The following CFLAR variants were observed in gnomAD, a reference collection of about 807,000 sequenced individuals.
CFLAR encodes the protein CASP8 and FADD like apoptosis regulator.
In CFLAR, 14 loss-of-function variants were observed where a neutral mutation model predicts 51.1. That is an observed-to-expected ratio of 0.27 (90% CI 0.18 to 0.43). The LOEUF is 0.43. Among genes scored for constraint, CFLAR ranks in the 20% least tolerant of loss-of-function variants. The pLI is 1.00. For synonymous variants in CFLAR, 210 were observed against 211.6 expected, an observed-to-expected ratio of 0.99 and a Z score of 0.06; for missense variants, 390 against 566.5, an observed-to-expected ratio of 0.69 and a Z score of 3.16.
In CFLAR at chr2:201,174,947, C is replaced by T. The variant is rs1944146748; in HGVS notation, c.*10974C>T. The T allele has an allele frequency of 6.6e-6, 1 of 152,106 alleles. No homozygotes were observed. Among genetic ancestry groups the T allele is most frequent in the East Asian group, 1.9e-4 (1 of 5,194 alleles). 9.4% of individuals were successfully genotyped at this position (152,106 alleles called of 1,614,324 possible). On this transcript the variant is annotated 3_prime_UTR_variant, in exon 10 of 10. Coordinates refer to ENST00000309955, the MANE Select transcript of CFLAR (RefSeq NM_003879.7). ...AAGAGACCTCTGGTTACCTTTGCTG[C>T]CCATTCTATGGTAATTATAATACAT... is the stretch of plus-strand genomic sequence containing the variant.
At chr2:201,147,340 G>A (rs1008326374) in intron 6 of CFLAR, among the ~76,000 whole-genome samples, 2 of 151,476 alleles carry the variant, frequency 1.3e-5, no homozygotes, top group Non-Finnish European at 2.9e-5. Context: ...ACCAACCTGG[G>A]CAACATGGTG....
Position 201,129,809 on chromosome 2 carries a change from G to T in CFLAR, c.-57G>T. The T allele has an allele frequency of 6.6e-7, 1 of 1,521,048 alleles. No homozygotes were observed. The allele number at this position is 1,521,048 out of a possible 1,614,324, so 94.2% of individuals were successfully genotyped here. Reference sequence around the variant, plus strand: ...GTTGACTGCCTGCTGGCTTTCTGTTGACTGGCCCGGAGCTGTACTGCAAGA... The same window carrying T: ...GTTGACTGCCTGCTGGCTTTCTGTTTACTGGCCCGGAGCTGTACTGCAAGA... On this transcript the variant is annotated 5_prime_UTR_variant, in exon 2 of 10. The change abolishes the stop of an existing upstream ORF in the 5' untranslated region. Coordinates refer to ENST00000309955, the MANE Select transcript of CFLAR (RefSeq NM_003879.7).
Position 201,168,632 on chromosome 2 carries a change from A to G in CFLAR, c.*4659A>G, listed in dbSNP as rs768336905. On this transcript the variant is annotated 3_prime_UTR_variant, in exon 10 of 10. Coordinates refer to ENST00000309955, the MANE Select transcript of CFLAR (RefSeq NM_003879.7). Reference sequence around the variant, plus strand: ...GAAGTTCTGGCCAAGAAAATCAGGCAAGAGAAACAAATAAGGGGTATTCAA... The same window carrying G: ...GAAGTTCTGGCCAAGAAAATCAGGCGAGAGAAACAAATAAGGGGTATTCAA... 1.3e-5 allele frequency: 2 copies of G among 151,944 alleles called. No homozygotes were observed. The highest frequency in any genetic ancestry group is 2.9e-5 in the Non-Finnish European group (2 of 68,034). 9.4% of individuals were successfully genotyped at this position (151,944 alleles called of 1,614,324 possible). A position where few individuals can be genotyped will look rare whatever the true frequency, so the allele number is the denominator to read the frequency against.
At chr2:201,128,148 A>C (rs1351727677) in intron 1 of CFLAR, among the ~76,000 whole-genome samples, 1 of 152,086 alleles carries the variant, frequency 6.6e-6, no homozygotes, top group African/African-American at 2.4e-5. Flanking sequence ...CTTCTACTGC[A>C]TATATTTTAT....
rs1056392775 is a variant in CFLAR at position 201,136,657 on chromosome 2, T to C, written c.523+550T>C. 44 of 1,241,740 alleles carry C rather than the reference T, an allele frequency of 3.5e-5. No individual in the cohort carries two copies. The South Asian group carries it at 6.6e-4, about 19-fold the overall frequency. 76.9% of individuals were successfully genotyped at this position (1,241,740 alleles called of 1,614,324 possible). A position where few individuals can be genotyped will look rare whatever the true frequency, so the allele number is the denominator to read the frequency against. On this transcript the variant is annotated intron_variant, in intron 4 of 9. Coordinates refer to ENST00000309955, the MANE Select transcript of CFLAR (RefSeq NM_003879.7). ...GACTCAGCCTCAGCTTGGGCTTTGT[T>C]AGCAAGTTCACTGCCACCATAGCAT...
intron 3 of CFLAR, among the ~76,000 whole-genome samples, chr2:201,135,149 G>A (rs549653207): frequency 6.6e-6 from 1 of 152,318 alleles, no homozygotes; most frequent in South Asian, 2.1e-4. Context: ...AAACCTTGTT[G>A]TAATTTCACT....
At chr2:201,126,104 C>G (rs1430784677) in intron 1 of CFLAR, among the ~76,000 whole-genome samples, 4 of 152,102 alleles carry the variant, frequency 2.6e-5, no homozygotes, top group South Asian at 4.1e-4. Context: ...GTTTATTTAG[C>G]CGGCGGCCAA....
At chr2:201,140,922 T>A (rs984161962) in intron 5 of CFLAR, among the ~76,000 whole-genome samples, 102 of 152,236 alleles carry the variant, frequency 6.7e-4, no homozygotes, top group Middle Eastern at 6.8e-3. Flanking sequence ...TTAAATGTAC[T>A]ACAAGAGGTT....
intron 4 of CFLAR, chr2:201,139,234 G>GCGTGCT (rs1445821485): frequency 2.8e-6 from 1 of 351,770 alleles, no homozygotes; most frequent in Non-Finnish European, 5.3e-6. Flanking sequence ...CTTGAAGGCA[G>GCGTGCT]CGTGCTCGTT....
intron 5 of CFLAR, among the ~76,000 whole-genome samples, chr2:201,143,714 A>C (rs1939487077): frequency 6.6e-6 from 1 of 152,180 alleles, no homozygotes; most frequent in African/African-American, 2.4e-5. Context: ...CTGTAATCCC[A>C]GCACTTTGGG....
Position 201,138,752 on chromosome 2 carries a change from A to C in CFLAR, c.524-1605A>C. ...CAAACTTCTTGACCTTCTGCACCTC[A>C]CTGGCCTGGAACTCTGGGGTGCAGT... On this transcript the variant is annotated intron_variant, in intron 4 of 9. Transcript: ENST00000309955. This position sits in a 1 kb window ranked among gnomAD's most constrained non-coding sequence, Gnocchi z 4.0. 1.3e-6 allele frequency: 1 copy of C among 773,592 alleles called. No individual in the cohort carries two copies. The highest frequency in any genetic ancestry group is 3.6e-4 in the Middle Eastern group (1 of 2,806). The allele number at this position is 773,592 out of a possible 1,614,324, so 47.9% of individuals were successfully genotyped here.
Position 201,123,812 on chromosome 2 carries a change from T to C in CFLAR, c.-137-5917T>C, listed in dbSNP as rs139576111. Among the ~76,000 whole-genome samples, 164 of 152,364 alleles carry C rather than the reference T, an allele frequency of 1.1e-3. 4 individuals carry two copies. The East Asian group carries it at 0.028, about 26-fold the overall frequency. On this transcript the variant is annotated intron_variant, in intron 1 of 9. Transcript: ENST00000309955. ...TCAAGATGAATGCACAAAACTTCTG[T>C]GAGATGGCCACATTCTACTTTACCC...
intron 8 of CFLAR, among the ~76,000 whole-genome samples, chr2:201,156,329 A>G (rs1475577281): frequency 6.6e-6 from 1 of 152,164 alleles, no homozygotes; most frequent in African/African-American, 2.4e-5. Context: ...TCCACCTTGC[A>G]TTTCCCAAAC....
chr2:201,123,988 A>G lies in CFLAR; in HGVS notation c.-137-5741A>G, dbSNP rs576766561. Among the ~76,000 whole-genome samples, 8 of 152,300 alleles carry G rather than the reference A, an allele frequency of 5.3e-5. No homozygotes were observed. The East Asian group carries it at 1.4e-3, about 26-fold the overall frequency. On this transcript the variant is annotated intron_variant, in intron 1 of 9. Transcript: ENST00000309955. Reference sequence around the variant, plus strand: ...AAGACAGGTTTCTCCATTGCCGCCCAGTTTGTGGGGTTGCAAGAAATTACA... The same window carrying G: ...AAGACAGGTTTCTCCATTGCCGCCCGGTTTGTGGGGTTGCAAGAAATTACA...
Position 201,161,372 on chromosome 2 carries a change from A to C in CFLAR, c.1304+430A>C, listed in dbSNP as rs1014342357. Among the ~76,000 whole-genome samples, 5 of 151,964 alleles carry C rather than the reference A, an allele frequency of 3.3e-5. No homozygotes were observed. In the East Asian group the frequency reaches 9.6e-4, roughly 29 times the overall value. ...AGCAACAGAGGGAGACCTTGTCTCC[A>C]ATAAACAAATAAATAAATACAAATA... On this transcript the variant is annotated intron_variant, in intron 9 of 9. Coordinates refer to ENST00000309955, the MANE Select transcript of CFLAR (RefSeq NM_003879.7).
chr2:201,146,336 G>T (rs1200767619), intron 6 of CFLAR: 1 of 152,076 alleles, frequency 6.6e-6, no homozygotes, highest in African/African-American at 2.4e-5. Context: ...TAGTAGAGAT[G>T]GGGTTTCATT....
At position 201,170,410 on chromosome 2, in the gene CFLAR, C is replaced by T. The variant is rs1455661832; in HGVS notation, c.*6437C>T. 2 of 128,270 alleles carry T rather than the reference C, an allele frequency of 1.6e-5. No homozygotes were observed. Among genetic ancestry groups the T allele is most frequent in the East Asian group, 4.1e-4 (2 of 4,906 alleles). 7.9% of individuals were successfully genotyped at this position (128,270 alleles called of 1,614,324 possible). On this transcript the variant is annotated 3_prime_UTR_variant, in exon 10 of 10. Coordinates refer to ENST00000309955, the MANE Select transcript of CFLAR (RefSeq NM_003879.7). ...TTCTATTTTAAATTCATAAAGAATT[C>T]TAACAAGAGGAATTCCAAGAATGTC...
At chr2:201,121,811 A>AT (rs1479852160) in intron 1 of CFLAR, among the ~76,000 whole-genome samples, 2 of 152,184 alleles carry the variant, frequency 1.3e-5, no homozygotes, top group African/African-American at 2.4e-5. Context: ...TCTCCTAAAT[A>AT]TTTTATTGCA....
At chr2:201,125,209 T>C (rs1410940858) in intron 1 of CFLAR, among the ~76,000 whole-genome samples, 1 of 152,196 alleles carries the variant, frequency 6.6e-6, no homozygotes. Context: ...CCAGTATGGC[T>C]CAGGACTGAG....
Sources: gnomAD v4.1 joint callset for allele counts (sites outside exome capture counted in the v4.1 genomes callset) on GRCh38, gnomAD v4.1.1 for gene constraint, Gnocchi (gnomAD v3.1) non-coding constraint, MANE v1.5 for transcripts, NCBI Gene and HGNC (gene_info 2026-07-23, HGNC 2026-07-21) for gene names.